DPYD: variants seen among roughly 807,000 people sequenced by gnomAD.
The protein encoded by DPYD is dihydropyrimidine dehydrogenase [NADP(+)].
DPYD carries 109 observed loss-of-function variants against 116.2 expected under a neutral mutation model. The observed-to-expected ratio is 0.94, with a 90% CI of 0.80 to 1.10. DPYD has a LOEUF of 1.10. Among genes scored for constraint, DPYD ranks in the 50% least tolerant of loss-of-function variants. DPYD has a pLI of 0.00. For missense variants in DPYD, 1,302 were observed against 1,254.5 expected (o/e 1.04, Z -0.57); for synonymous variants, 440 against 432.0 (o/e 1.02, Z -0.23).
intron 18 of DPYD, among the ~76,000 whole-genome samples, chr1:97,285,821 C>T (rs554667471): frequency 6.6e-6 from 1 of 151,962 alleles, no homozygotes; most frequent in East Asian, 1.9e-4. Flanking sequence ...TGTTTATCCT[C>T]TATGTCTTCA....
chr1:97,417,930 A>G (rs1674373180), intron 14 of DPYD, among the ~76,000 whole-genome samples: 1 of 152,220 alleles, frequency 6.6e-6, no homozygotes. Flanking sequence ...TACTCCCTTC[A>G]ATCCATAAAT....
intron 15 of DPYD, 104 bp downstream of exon 15, chr1:97,382,289 C>G (rs949243914): frequency 2.8e-5 from 16 of 564,882 alleles, no homozygotes; most frequent in Admixed American, 7.4e-5. Context: ...ATTTTCAATT[C>G]AGTTTTACTT....
At chr1:97,621,403 T>C (rs1656625085) in intron 8 of DPYD, among the ~76,000 whole-genome samples, 1 of 152,076 alleles carries the variant, frequency 6.6e-6, no homozygotes, top group African/African-American at 2.4e-5. Flanking sequence ...GGTGATGAAT[T>C]AGAGTGGAAG....
At position 97,668,848 on chromosome 1, in the gene DPYD, T is replaced by A. The variant is rs558060103; in HGVS notation, c.850+10247A>T. 1.5e-3 allele frequency among the ~76,000 whole-genome samples: 224 copies of A among 151,982 alleles called. 4 individuals carry two copies. Among genetic ancestry groups the A allele is most frequent in the Non-Finnish European group, 1.3e-3 (86 of 67,948 alleles). ...AGACAAAACTACCAAGTATTTTTTT[T>A]AAAAAAAGGAAAGAATAGAAACACA... On this transcript the variant is annotated intron_variant, in intron 8 of 22. Transcript: ENST00000370192.
chr1:97,568,436 T>C (rs986426036), intron 11 of DPYD, among the ~76,000 whole-genome samples: 5 of 152,094 alleles, frequency 3.3e-5, no homozygotes, highest in African/African-American at 1.2e-4. Flanking sequence ...AGGATATTCA[T>C]ACTATAGTCA....
chr1:97,146,347 T>C (rs1654632873), intron 20 of DPYD, among the ~76,000 whole-genome samples: 1 of 152,180 alleles, frequency 6.6e-6, no homozygotes, highest in African/African-American at 2.4e-5. Flanking sequence ...GAAGGGAAGA[T>C]ATTATCGATA....
Position 97,356,860 on chromosome 1 carries a change from T to G in DPYD, c.2058+16701A>C, listed in dbSNP as rs561802002. Among the ~76,000 whole-genome samples the G allele has an allele frequency of 2.0e-5, 3 of 152,336 alleles. No homozygotes were observed. The South Asian group carries it at 6.2e-4, about 32-fold the overall frequency. Reference sequence around the variant, plus strand: ...ATAGGTTCACTGCTGAGTTTTCCATTCTGCTCCACTGGTCAATTAGTCTAT... The same window carrying G: ...ATAGGTTCACTGCTGAGTTTTCCATGCTGCTCCACTGGTCAATTAGTCTAT... On this transcript the variant is annotated intron_variant, in intron 16 of 22. Coordinates refer to ENST00000370192, the MANE Select transcript of DPYD (RefSeq NM_000110.4).
intron 2 of DPYD, among the ~76,000 whole-genome samples, chr1:97,859,480 G>A (rs746717963): frequency 1.3e-5 from 2 of 152,124 alleles, no homozygotes; most frequent in Non-Finnish European, 2.9e-5. Flanking sequence ...AGGATGCTAA[G>A]GGGAGAACGC....
chr1:97,545,994 C>T, intron 12 of DPYD: 1 of 1,344,948 alleles, frequency 7.4e-7, no homozygotes, highest in East Asian at 2.3e-5. Flanking sequence ...TATGGCTGTC[C>T]TTGGGAGTTT....
intron 14 of DPYD, among the ~76,000 whole-genome samples, chr1:97,448,036 C>A (rs373523511): frequency 6.6e-6 from 1 of 151,940 alleles, no homozygotes; most frequent in Non-Finnish European, 1.5e-5. Context: ...CCAGCCTGGG[C>A]AACATAGCGA....
intron 18 of DPYD, among the ~76,000 whole-genome samples, chr1:97,291,859 T>TA (rs200530558): frequency 4.6e-5 from 7 of 151,148 alleles, no homozygotes; most frequent in African/African-American, 7.3e-5. Flanking sequence ...AAATAAACCC[T>TA]AAAAAAAACC....
intron 16 of DPYD, among the ~76,000 whole-genome samples, chr1:97,334,837 A>C (rs1264933048): frequency 6.6e-6 from 1 of 151,970 alleles, no homozygotes; most frequent in Non-Finnish European, 1.5e-5. Context: ...TTGGAGAACA[A>C]ATAGACTTGA....
intron 3 of DPYD, among the ~76,000 whole-genome samples, chr1:97,750,269 T>C (rs1664796514): frequency 6.6e-6 from 1 of 151,932 alleles, no homozygotes; most frequent in Non-Finnish European, 1.5e-5. Context: ...ACCCTAGAAC[T>C]TAAGATAAAA....
rs143682999 is a variant in DPYD, at chr1:97,769,274, A to G, written c.234-28795T>C. Among the ~76,000 whole-genome samples the G allele has an allele frequency of 3.9e-3, 593 of 152,286 alleles. 4 individuals are homozygous for G. The highest frequency in any genetic ancestry group is 0.014 in the African/African-American group (574 of 41,578). ...CCAAAGAATACAAGAACTGGATACA[A>G]TTATACATTTTTTTCTAAGGCAATG... On this transcript the variant is annotated intron_variant, in intron 3 of 22. Coordinates refer to ENST00000370192, the MANE Select transcript of DPYD (RefSeq NM_000110.4).
In DPYD at chr1:97,079,104, C is replaced by T. The variant is rs760235888; in HGVS notation, c.2950G>A (p.Asp984Asn). 4 of 1,613,610 alleles carry T rather than the reference C, an allele frequency of 2.5e-6. No individual in the cohort carries two copies. Among genetic ancestry groups the T allele is most frequent in the South Asian group, 1.1e-5 (1 of 91,070 alleles). Residue 984 changes from aspartate to asparagine, a missense_variant, in exon 23 of 23, where the codon GAC becomes AAC. Coordinates refer to ENST00000370192, the MANE Select transcript of DPYD (RefSeq NM_000110.4). ...DPETHLPTIT[D>N]TCTGCTLCLS... is the part of the protein sequence containing the mutation. ...CACAGAGTACAGCCTGTACAAGTGTCGGTTATGGTGGGCAGGTGGGTTTCT... is the reference window on the plus strand; with the variant it reads ...CACAGAGTACAGCCTGTACAAGTGTTGGTTATGGTGGGCAGGTGGGTTTCT...
At chr1:97,739,260 G>A (rs1664132360) in intron 4 of DPYD, among the ~76,000 whole-genome samples, 1 of 151,990 alleles carries the variant, frequency 6.6e-6, no homozygotes, top group Non-Finnish European at 1.5e-5. Flanking sequence ...AAATTGTTGA[G>A]TAATCACTAT....
At chr1:97,677,648 C>A (rs2893373) in intron 8 of DPYD, among the ~76,000 whole-genome samples, 2,008 of 152,156 alleles carry the variant, frequency 0.013, 23 homozygotes, top group Non-Finnish European at 0.021. Context: ...TAATTAAGAT[C>A]ATACAGACAG....
chr1:97,882,389 C>T (rs1189008914), intron 2 of DPYD, among the ~76,000 whole-genome samples: 1 of 151,914 alleles, frequency 6.6e-6, no homozygotes, highest in Non-Finnish European at 1.5e-5. Context: ...CCTCAGTTTC[C>T]ATCCTCAAAG....
intron 1 of DPYD, among the ~76,000 whole-genome samples, chr1:97,911,148 A>G (rs1673913414): frequency 6.6e-6 from 1 of 152,100 alleles, no homozygotes; most frequent in South Asian, 2.1e-4. Context: ...AGCTATATTA[A>G]TTAGTAGTAC....
Sources: allele counts gnomAD v4.1 joint callset (sites outside exome capture counted in the v4.1 genomes callset), GRCh38; gene constraint gnomAD v4.1.1; transcripts MANE v1.5; gene names NCBI Gene and HGNC (gene_info 2026-07-23, HGNC 2026-07-21).